SGCZ: variants seen among roughly 807,000 people sequenced by gnomAD.
SGCZ encodes sarcoglycan zeta.
In SGCZ, 40 loss-of-function variants were observed where a neutral mutation model predicts 41.3. The ratio of observed to expected loss-of-function variants is 0.97; its 90% CI spans 0.75 to 1.26. The LOEUF (loss-of-function observed/expected upper bound fraction) is 1.26. Ranked by LOEUF, SGCZ falls within the 50% of genes most tolerant of loss-of-function variation. SGCZ has a pLI of 0.00. For missense variants in SGCZ, 552 were observed against 369.8 expected, an observed-to-expected ratio of 1.49 and a Z score of -4.04; for synonymous variants, 206 against 137.5, an observed-to-expected ratio of 1.50 and a Z score of -3.49.
intron 2 of SGCZ, among the ~76,000 whole-genome samples, chr8:14,354,905 C>T (rs1045680326): frequency 1.3e-5 from 2 of 151,672 alleles, no homozygotes; most frequent in Admixed American, 1.3e-4. Flanking sequence ...TTTATTTTCT[C>T]AGAAGTTGAC....
At chr8:14,255,345 T>G (rs952068155) in intron 3 of SGCZ, among the ~76,000 whole-genome samples, 10 of 152,162 alleles carry the variant, frequency 6.6e-5, no homozygotes, top group African/African-American at 1.9e-4. Context: ...TCTCTCCTGC[T>G]CATTCGAAGA....
chr8:14,495,227 C>G (rs1801956381), intron 2 of SGCZ, among the ~76,000 whole-genome samples: 1 of 152,074 alleles, frequency 6.6e-6, no homozygotes, highest in Non-Finnish European at 1.5e-5. Flanking sequence ...TATCAGTACT[C>G]CCTGAAAAGC....
chr8:14,978,786 G>C (rs1801571126), intron 1 of SGCZ, among the ~76,000 whole-genome samples: 1 of 134,778 alleles, frequency 7.4e-6, no homozygotes, highest in Admixed American at 7.4e-5. Context: ...CCTGCCATCA[G>C]AGTTTACAAT....
rs1801525482 is a variant in SGCZ at position 14,086,456 on chromosome 8, G to A, written c.*3987C>T. Among the ~76,000 whole-genome samples the A allele has an allele frequency of 6.6e-6, 1 of 151,604 alleles. No individual in the cohort carries two copies. The highest frequency in any genetic ancestry group is 6.6e-5 in the Admixed American group (1 of 15,176). On this transcript the variant is annotated 3_prime_UTR_variant, in exon 8 of 8. Transcript: ENST00000382080. ...CATTCTCTGATTGAGTCATTCGATA[G>A]AATATGTAGGAATTTTGAATGGAAT...
At chr8:14,925,079 A>G (rs1344277616) in intron 1 of SGCZ, among the ~76,000 whole-genome samples, 1 of 152,096 alleles carries the variant, frequency 6.6e-6, no homozygotes, top group Non-Finnish European at 1.5e-5. Flanking sequence ...GCTGCTCTCG[A>G]ACTCCTGAGC....
chr8:14,309,601 T>C (rs1043562218), intron 3 of SGCZ: 1 of 1,610,846 alleles, frequency 6.2e-7, no homozygotes, highest in Non-Finnish European at 8.5e-7. Flanking sequence ...CCAAAGATAG[T>C]GACTGGTTAT....
At chr8:14,365,865 C>T (rs1803687811) in intron 2 of SGCZ, among the ~76,000 whole-genome samples, 1 of 151,828 alleles carries the variant, frequency 6.6e-6, no homozygotes, top group Admixed American at 6.6e-5. Context: ...TATTGATTTC[C>T]TTGTTTTGAT....
At chr8:14,769,912 G>A (rs1460248405) in intron 1 of SGCZ, among the ~76,000 whole-genome samples, 2 of 151,058 alleles carry the variant, frequency 1.3e-5, no homozygotes, top group Non-Finnish European at 2.9e-5. Context: ...TCTATCAGCG[G>A]GTATGCTGCA....
chr8:14,168,266 G>A (rs6989768), intron 4 of SGCZ, among the ~76,000 whole-genome samples: 88,137 of 151,944 alleles, frequency 0.58, 26,030 homozygotes, highest in East Asian at 0.81. Flanking sequence ...GGCCAAATCA[G>A]TCAACCAACC....
At chr8:14,508,291 A>G (rs1802368096) in intron 2 of SGCZ, among the ~76,000 whole-genome samples, 1 of 152,210 alleles carries the variant, frequency 6.6e-6, no homozygotes, top group African/African-American at 2.4e-5. Context: ...AGTGTCTGGC[A>G]CATATGAGGA....
chr8:14,383,406 T>A (rs554311959), intron 2 of SGCZ, among the ~76,000 whole-genome samples: 5 of 152,332 alleles, frequency 3.3e-5, no homozygotes, highest in African/African-American at 1.2e-4. Flanking sequence ...TGACCATATG[T>A]CCCAATTTGC....
chr8:14,809,233 T>C lies in SGCZ; in HGVS notation c.40-254307A>G, dbSNP rs368818877. ...TACCCTAAAACTTAAAGTATAATAATAAAAGAAGAAAAATAAAAAAATAAA... is the reference window on the plus strand; with the variant it reads ...TACCCTAAAACTTAAAGTATAATAACAAAAGAAGAAAAATAAAAAAATAAA... On this transcript the variant is annotated intron_variant, in intron 1 of 7. Coordinates refer to ENST00000382080, the MANE Select transcript of SGCZ (RefSeq NM_139167.4). Among the ~76,000 whole-genome samples the C allele has an allele frequency of 5.9e-5, 9 of 151,662 alleles. No individual in the cohort carries two copies. In the South Asian group the frequency reaches 1.0e-3, roughly 18 times the overall value.
chr8:14,247,327 G>C (rs933258336), intron 3 of SGCZ, among the ~76,000 whole-genome samples: 4 of 152,066 alleles, frequency 2.6e-5, no homozygotes, highest in African/African-American at 9.7e-5. Flanking sequence ...CCATCCTGAA[G>C]CTCTCTTTCT....
At chr8:15,023,421 C>T (rs919452261) in intron 1 of SGCZ, among the ~76,000 whole-genome samples, 8 of 152,096 alleles carry the variant, frequency 5.3e-5, no homozygotes, top group Non-Finnish European at 1.2e-4. Flanking sequence ...CTCGCGCCTT[C>T]TCTCCCACAC....
chr8:14,448,375 G>T (rs1174346041), intron 2 of SGCZ, among the ~76,000 whole-genome samples: 1 of 152,184 alleles, frequency 6.6e-6, no homozygotes, highest in South Asian at 2.1e-4. Context: ...TTCCTCTGGA[G>T]TAAACTGTTA....
intron 2 of SGCZ, among the ~76,000 whole-genome samples, chr8:14,383,052 G>C (rs1424027221): frequency 6.6e-6 from 1 of 152,148 alleles, no homozygotes; most frequent in Non-Finnish European, 1.5e-5. Flanking sequence ...TACAGCTCAT[G>C]TTTTGTTCCC....
At chr8:14,563,965 G>A (rs1447922615) in intron 1 of SGCZ, among the ~76,000 whole-genome samples, 1 of 151,956 alleles carries the variant, frequency 6.6e-6, no homozygotes, top group Non-Finnish European at 1.5e-5. Flanking sequence ...CACAAATGTT[G>A]GAGGTAAACA....
chr8:14,801,838 G>C (rs951111720), intron 1 of SGCZ, among the ~76,000 whole-genome samples: 2 of 71,486 alleles, frequency 2.8e-5, no homozygotes, highest in Non-Finnish European at 4.1e-5. Flanking sequence ...TATACAAGAG[G>C]ATGGTTAGAA....
chr8:14,321,002 G>A (rs1262541836), intron 3 of SGCZ, among the ~76,000 whole-genome samples: 1 of 152,028 alleles, frequency 6.6e-6, no homozygotes, highest in Non-Finnish European at 1.5e-5. Context: ...GTTTTAAAAA[G>A]TCTGAAGATT....
Sources: allele counts gnomAD v4.1 joint callset (sites outside exome capture counted in the v4.1 genomes callset), GRCh38; gene constraint gnomAD v4.1.1; transcripts MANE v1.5; gene names NCBI Gene and HGNC (gene_info 2026-07-23, HGNC 2026-07-21).